The following EPHA5 variants were observed in gnomAD, a reference collection of about 807,000 sequenced individuals.
EPHA5 encodes the protein ephrin type-A receptor 5.
A neutral mutation model predicts 105.0 loss-of-function variants in EPHA5; 60 were observed. The observed-to-expected ratio is 0.57, with a 90% CI of 0.46 to 0.71. The LOEUF (loss-of-function observed/expected upper bound fraction) is 0.71. Ranked by LOEUF, EPHA5 falls within the 30% of genes least tolerant of loss-of-function variation. The pLI, the probability that EPHA5 is intolerant of heterozygous loss-of-function variation, is 0.00. For synonymous variants in EPHA5, 513 were observed against 449.1 expected, an observed-to-expected ratio of 1.14 and a Z score of -1.80; for missense variants, 1,218 against 1,274.7, an observed-to-expected ratio of 0.96 and a Z score of 0.68.
intron 5 of EPHA5, among the ~76,000 whole-genome samples, chr4:65,466,164 TTAAA>T (rs1407025739): frequency 2.6e-5 from 4 of 152,186 alleles, no homozygotes; most frequent in African/African-American, 4.8e-5. Context: ...GCACATAACT[TTAAA>T]TAGGATGGTC....
At chr4:65,578,044 C>T (rs1333991287) in intron 3 of EPHA5, among the ~76,000 whole-genome samples, 1 of 152,144 alleles carries the variant, frequency 6.6e-6, no homozygotes. Flanking sequence ...AATTTCAATG[C>T]ATAAAAATAA....
At chr4:65,576,038 GAAAGAAAGAAAGAAAGAAAGA>G (rs1578471958) in intron 3 of EPHA5, among the ~76,000 whole-genome samples, 5 of 74,404 alleles carry the variant, frequency 6.7e-5, no homozygotes, top group East Asian at 7.3e-4. Flanking sequence ...AAGAAAGAAA[GAAAGAAAGAAAGAAAGAAAGA>G]AAAGAAAAGA....
chr4:65,321,706 G>T lies in EPHA5; in HGVS notation c.*2408C>A, dbSNP rs868397557. 1 of 228,754 alleles carries T rather than the reference G, an allele frequency of 4.4e-6. No individual in the cohort carries two copies. Among genetic ancestry groups the T allele is most frequent in the Non-Finnish European group, 8.7e-6 (1 of 115,214 alleles). The allele number at this position is 228,754 out of a possible 1,614,324, so 14.2% of individuals were successfully genotyped here. ...TTATATTCTTCCTTTGTTAAAAAGAGAAAATCTATATTGCAACTTAAAGTT... is the reference window on the plus strand; with the variant it reads ...TTATATTCTTCCTTTGTTAAAAAGATAAAATCTATATTGCAACTTAAAGTT... On this transcript the variant is annotated 3_prime_UTR_variant, in exon 17 of 17. Transcript: ENST00000613740.
At chr4:65,324,700 A>T (rs1469413661) in intron 16 of EPHA5, among the ~76,000 whole-genome samples, 3 of 150,570 alleles carry the variant, frequency 2.0e-5, no homozygotes, top group Non-Finnish European at 3.0e-5. Context: ...AGATATCTTT[A>T]GGAGATAATC....
chr4:65,465,523 GA>G (rs373304377), intron 5 of EPHA5, among the ~76,000 whole-genome samples: 7 of 86,518 alleles, frequency 8.1e-5, no homozygotes, highest in Non-Finnish European at 1.2e-4. Context: ...AAGAAAGAAA[GA>G]AAGAAAAGAA....
At chr4:65,375,506 A>T (rs1209054411) in intron 8 of EPHA5, among the ~76,000 whole-genome samples, 1 of 151,908 alleles carries the variant, frequency 6.6e-6, no homozygotes, top group African/African-American at 2.4e-5. Flanking sequence ...GTAGAAAAAG[A>T]TACTATCTTT....
intron 5 of EPHA5, among the ~76,000 whole-genome samples, chr4:65,428,749 T>G (rs1425142203): frequency 1.3e-5 from 2 of 152,074 alleles, no homozygotes; most frequent in African/African-American, 2.4e-5. Flanking sequence ...CGAAAGTAAC[T>G]TAATTGCCAA....
chr4:65,648,815 C>G (rs1748350620), intron 1 of EPHA5, among the ~76,000 whole-genome samples: 1 of 152,220 alleles, frequency 6.6e-6, no homozygotes, highest in Admixed American at 6.5e-5. Flanking sequence ...TGTCCAGCCT[C>G]TCTCCATGGT....
chr4:65,492,228 GTCTC>G (rs1034849240), intron 4 of EPHA5, among the ~76,000 whole-genome samples: 3 of 152,048 alleles, frequency 2.0e-5, no homozygotes, highest in African/African-American at 4.8e-5. Context: ...TAGGGACAGA[GTCTC>G]TCTCTGTCGC....
intron 2 of EPHA5, among the ~76,000 whole-genome samples, chr4:65,637,604 A>ATATATATATATATATG (rs1747260923): frequency 6.9e-6 from 1 of 144,698 alleles, no homozygotes; most frequent in Non-Finnish European, 1.5e-5. Context: ...ATATACGTAT[A>ATATATATATATATATG]TGCTAAAACA....
chr4:65,540,171 T>C (rs1351017833), intron 3 of EPHA5, among the ~76,000 whole-genome samples: 3 of 151,566 alleles, frequency 2.0e-5, no homozygotes, highest in African/African-American at 7.3e-5. Context: ...CAACAATAAA[T>C]GTAATACTAA....
chr4:65,669,515 AGC>A (rs1750265674), intron 1 of EPHA5, 45 bp downstream of exon 1: 1 of 1,327,660 alleles, frequency 7.5e-7, no homozygotes, highest in African/African-American at 1.5e-5. Flanking sequence ...GGCCCCGCCT[AGC>A]CCCTCCGCCC....
intron 2 of EPHA5, among the ~76,000 whole-genome samples, chr4:65,604,345 A>T (rs1245837210): frequency 6.6e-6 from 1 of 152,198 alleles, no homozygotes; most frequent in Admixed American, 6.5e-5. Flanking sequence ...TATGTGCATA[A>T]GCATCTTGCT....
In EPHA5 at chr4:65,319,861, AC is replaced by A. The variant is rs772083184; in HGVS notation, c.*4252del. ...CAGGCTCTTATAAATGTAACTACTC[AC>A]TTTTAAATAATTGACTGTAAAACTA... On this transcript the variant is annotated 3_prime_UTR_variant, in exon 17 of 17. Transcript: ENST00000613740. The A allele has an allele frequency of 3.0e-5, 7 of 229,634 alleles. No homozygotes were observed. Among genetic ancestry groups the A allele is most frequent in the Non-Finnish European group, 6.0e-5 (7 of 115,836 alleles). The allele number at this position is 229,634 out of a possible 1,614,324, so 14.2% of individuals were successfully genotyped here.
intron 9 of EPHA5, among the ~76,000 whole-genome samples, 189 bp downstream of exon 9, chr4:65,367,168 T>C (rs1717987310): frequency 6.6e-6 from 1 of 151,728 alleles, no homozygotes; most frequent in Admixed American, 6.6e-5. Context: ...CATTCAGCTA[T>C]TGCCTAAAGC....
intron 5 of EPHA5, among the ~76,000 whole-genome samples, chr4:65,449,081 A>C (rs1726833163): frequency 6.6e-6 from 1 of 152,296 alleles, no homozygotes; most frequent in Admixed American, 6.5e-5. Flanking sequence ...AAAACTACAT[A>C]TTAAGAAAAA....
chr4:65,370,196 CA>C (rs1718321007), intron 8 of EPHA5, among the ~76,000 whole-genome samples: 1 of 152,030 alleles, frequency 6.6e-6, no homozygotes. Flanking sequence ...TAAATCACCT[CA>C]CCAAAATGAA....
At chr4:65,512,838 T>A (rs138969709) in intron 3 of EPHA5, among the ~76,000 whole-genome samples, 376 of 152,096 alleles carry the variant, frequency 2.5e-3, no homozygotes, top group African/African-American at 8.4e-3. Flanking sequence ...CAAGATATCA[T>A]CAACATGAAA....
At chr4:65,663,585 GATT>G (rs1351842741) in intron 1 of EPHA5, among the ~76,000 whole-genome samples, 1 of 151,968 alleles carries the variant, frequency 6.6e-6, no homozygotes, top group Non-Finnish European at 1.5e-5. Flanking sequence ...TGCACTAACA[GATT>G]ATATCATGTA....
Sources: allele counts gnomAD v4.1 joint callset (sites outside exome capture counted in the v4.1 genomes callset), GRCh38; gene constraint gnomAD v4.1.1; transcripts MANE v1.5; gene names NCBI Gene and HGNC (gene_info 2026-07-23, HGNC 2026-07-21).